MDN1: variants seen among roughly 807,000 people sequenced by gnomAD.
MDN1 encodes the protein midasin.
A neutral mutation model predicts 669.2 loss-of-function variants in MDN1; 266 were observed. That is an observed-to-expected ratio of 0.40 (90% CI 0.36 to 0.44). MDN1 has a LOEUF of 0.44. MDN1 is among the 20% of genes least tolerant of loss of function. The pLI, the probability that MDN1 is intolerant of heterozygous loss-of-function variation, is 1.00. For missense variants in MDN1, 5,940 were observed against 6,754.0 expected (o/e 0.88, Z 4.22); for synonymous variants, 2,385 against 2,457.1 (o/e 0.97, Z 0.87).
chr6:89,785,926 G>A (rs1432749881), intron 8 of MDN1, among the ~76,000 whole-genome samples: 1 of 152,116 alleles, frequency 6.6e-6, no homozygotes, highest in South Asian at 2.1e-4. Context: ...TTGAGCCCAG[G>A]AGTTCAAGAC....
chr6:89,783,852 A>T (rs554759576), intron 9 of MDN1, among the ~76,000 whole-genome samples: 1 of 152,004 alleles, frequency 6.6e-6, no homozygotes, highest in African/African-American at 2.4e-5. Context: ...GGTTACCCCA[A>T]TAGTGGCATG....
chr6:89,754,438 A>G (rs1817127396), intron 20 of MDN1, among the ~76,000 whole-genome samples: 1 of 152,188 alleles, frequency 6.6e-6, no homozygotes, highest in African/African-American at 2.4e-5. Context: ...ATGAACACCT[A>G]TCTATTTCCT....
chr6:89,761,957 AT>A (rs1196095319), intron 16 of MDN1, among the ~76,000 whole-genome samples: 1 of 152,256 alleles, frequency 6.6e-6, no homozygotes, highest in Non-Finnish European at 1.5e-5. Context: ...TGCCTCATTT[AT>A]CCCTCACAAC....
At chr6:89,659,428 C>T (rs144091287) in intron 88 of MDN1, among the ~76,000 whole-genome samples, 208 of 152,314 alleles carry the variant, frequency 1.4e-3, no homozygotes, top group African/African-American at 4.8e-3. Context: ...GTGTTTACCC[C>T]ATCCGTTTTG....
At chr6:89,711,908 TC>T in intron 49 of MDN1, 127 bp downstream of exon 49, 1 of 809,726 alleles carries the variant, frequency 1.2e-6, no homozygotes, top group Non-Finnish European at 1.9e-6. Flanking sequence ...ACCACAAATT[TC>T]TTCCTAGGAG....
At position 89,790,164 on chromosome 6, in the gene MDN1, T is replaced by C. The variant is rs757167197; in HGVS notation, c.1093A>G (p.Ser365Gly). ...ACTTAACATTTCCTTATTACCTTACTGTCAGTCTGATCTCCAAGCTGGACT... is the reference window on the plus strand; with the variant it reads ...ACTTAACATTTCCTTATTACCTTACCGTCAGTCTGATCTCCAAGCTGGACT... ...LKVQLGDQTD[S>G]KMLLGMYRCT... is the part of the protein sequence containing the mutation. Residue 365 changes from serine to glycine, a missense_variant, in exon 6 of 102, where the codon AGT becomes GGT. By Grantham distance (56) the Ser-to-Gly change is moderately conservative. This residue lies in a region of MDN1 where 1,203 missense variants were observed against 1,268.9 expected (regional missense o/e 0.95). Transcript: ENST00000369393. 7 of 1,613,952 alleles carry C rather than the reference T, an allele frequency of 4.3e-6. No homozygotes were observed. The highest frequency in any genetic ancestry group is 8.5e-7 in the Non-Finnish European group (1 of 1,180,016).
intron 29 of MDN1, 65 bp downstream of exon 29, chr6:89,745,208 T>C: frequency 6.5e-7 from 1 of 1,546,108 alleles, no homozygotes; most frequent in Non-Finnish European, 8.8e-7. Flanking sequence ...AGTTCTTCAG[T>C]GATAACTCAA....
chr6:89,813,433 C>G (rs1467014973), intron 1 of MDN1, among the ~76,000 whole-genome samples: 1 of 151,902 alleles, frequency 6.6e-6, no homozygotes, highest in Non-Finnish European at 1.5e-5. Flanking sequence ...TGCCTGTAAT[C>G]CCAGCTACTT....
At chr6:89,747,821 G>A (rs866788481) in intron 26 of MDN1, among the ~76,000 whole-genome samples, 1 of 150,618 alleles carries the variant, frequency 6.6e-6, no homozygotes, top group South Asian at 2.1e-4. Context: ...AACCCGGGAG[G>A]GGGAGCTTGC....
rs752853730 is a variant in MDN1, at chr6:89,699,000, C to A, written c.9033G>T (p.Glu3011Asp). ...SPEEITSLWS[E>D]LFNSMFMSFW... ...AAGACATAAACATGGAATTAAATAACTCGGACCACAAAGATGTAATTTCTT... is the reference window on the plus strand; with the variant it reads ...AAGACATAAACATGGAATTAAATAAATCGGACCACAAAGATGTAATTTCTT... Residue 3011 changes from glutamate to aspartate, a missense_variant, in exon 59 of 102, where the codon GAG becomes GAT. By Grantham distance (45) the Glu-to-Asp change is conservative. This residue lies in a region of MDN1 where 2,292 missense variants were observed against 2,638.3 expected (regional missense o/e 0.87). Coordinates refer to ENST00000369393, the MANE Select transcript of MDN1 (RefSeq NM_014611.3). The A allele has an allele frequency of 6.2e-7, 1 of 1,613,816 alleles. No individual in the cohort carries two copies. Among genetic ancestry groups the A allele is most frequent in the Non-Finnish European group, 8.5e-7 (1 of 1,179,882 alleles).
chr6:89,683,082 C>A (rs562969469), intron 73 of MDN1, 50 bp downstream of exon 73: 1 of 1,582,282 alleles, frequency 6.3e-7, no homozygotes, highest in Non-Finnish European at 8.7e-7. Flanking sequence ...AAACACAGAT[C>A]CCACTTGACT....
chr6:89,740,455 G>T, intron 31 of MDN1, 77 bp from the exon 32 acceptor site: 2 of 1,255,926 alleles, frequency 1.6e-6, no homozygotes, highest in East Asian at 3.0e-5. Flanking sequence ...CTCTTTAAAA[G>T]AAAAAAAAAA....
chr6:89,754,153 C>T lies in MDN1; in HGVS notation c.2894G>A (p.Arg965Gln), dbSNP rs147908419. Residue 965 changes from arginine (R) to glutamine (Q), a missense_variant, in exon 21 of 102, where the codon CGG becomes CAG. Arg to Gln is a conservative substitution (Grantham distance 43). Around this residue, in one of 5 missense-constraint regions of MDN1, gnomAD observed 1,203 missense variants for 1,268.9 expected, o/e 0.95. Transcript: ENST00000369393. ...GTGHRPHYSL[R>Q]TLCRALRFAA... ...AAATCGCAGGGCCCGGCACAGAGTCCGAAGGCTGTAGTGAGGTCTATGGCC... is the reference window on the plus strand; with the variant it reads ...AAATCGCAGGGCCCGGCACAGAGTCTGAAGGCTGTAGTGAGGTCTATGGCC... The T allele has an allele frequency of 2.1e-4, 331 of 1,614,086 alleles. No homozygotes were observed. In the African/African-American group the frequency reaches 3.7e-3, roughly 18 times the overall value.
At chr6:89,702,168 G>A in intron 53 of MDN1, 107 bp from the exon 54 acceptor site, 1 of 1,105,934 alleles carries the variant, frequency 9.0e-7, no homozygotes, top group Non-Finnish European at 1.3e-6. Flanking sequence ...CCCGGGAAAA[G>A]ACACACAACA....
Position 89,672,713 on chromosome 6 carries a change from ACATGG to A in MDN1, c.13475-16_13475-12del. The A allele has an allele frequency of 6.2e-7, 1 of 1,612,626 alleles. No homozygotes were observed. ...CCAACATTTGATTTCCTAGCAGGTAACATGGTGCAAAACAAACATACAAACAAAAG... is the reference window on the plus strand; with the variant it reads ...CCAACATTTGATTTCCTAGCAGGTAATGCAAAACAAACATACAAACAAAAG... On this transcript the variant is annotated splice_polypyrimidine_tract_variant and intron_variant, in intron 80 of 101. Coordinates refer to ENST00000369393, the MANE Select transcript of MDN1 (RefSeq NM_014611.3).
chr6:89,799,454 G>A (rs1199411209), intron 2 of MDN1, among the ~76,000 whole-genome samples: 4 of 152,248 alleles, frequency 2.6e-5, no homozygotes, highest in South Asian at 2.1e-4. Context: ...AGGCCGAGGC[G>A]GGTGGATCAC....
Position 89,672,518 on chromosome 6 carries a change from A to G in MDN1, c.13630+29T>C. ...AATACAAAAATTAAATCAGGCATGA[A>G]ACTAATTTCTGCCTGATTTCAGACA... On this transcript the variant is annotated intron_variant, in intron 81 of 101. Transcript: ENST00000369393. The G allele has an allele frequency of 1.9e-6, 3 of 1,602,204 alleles. No homozygotes were observed. The South Asian group carries it at 3.4e-5, about 18-fold the overall frequency.
intron 1 of MDN1, among the ~76,000 whole-genome samples, chr6:89,808,949 G>T (rs753868215): frequency 6.6e-6 from 1 of 152,118 alleles, no homozygotes; most frequent in Non-Finnish European, 1.5e-5. Context: ...GGGCACGGTG[G>T]CTCATGCCTG....
At chr6:89,794,459 A>C in intron 3 of MDN1, 118 bp downstream of exon 3, 1 of 1,019,284 alleles carries the variant, frequency 9.8e-7, no homozygotes, top group Non-Finnish European at 1.4e-6. Context: ...CCCAAAAGCC[A>C]CAAGAACAAA....
Sources: gnomAD v4.1 joint callset for allele counts (sites outside exome capture counted in the v4.1 genomes callset) on GRCh38, gnomAD v4.1.1 for gene constraint, gnomAD v4.1.1 regional missense constraint, MANE v1.5 for transcripts, NCBI Gene and HGNC (gene_info 2026-07-23, HGNC 2026-07-21) for gene names.